The following ZNRF1 variants were observed in gnomAD, a reference collection of about 807,000 sequenced individuals.
ZNRF1 encodes the protein E3 ubiquitin-protein ligase ZNRF1.
A neutral mutation model predicts 18.4 loss-of-function variants in ZNRF1; 3 were observed. That is an observed-to-expected ratio of 0.16 (90% CI 0.07 to 0.42). The LOEUF (loss-of-function observed/expected upper bound fraction) is 0.42. Among genes scored for constraint, ZNRF1 ranks in the 10% least tolerant of loss-of-function variants. ZNRF1 has a pLI of 0.99. For missense variants in ZNRF1, 310 were observed against 329.8 expected, an observed-to-expected ratio of 0.94 and a Z score of 0.47; for synonymous variants, 157 against 144.2, an observed-to-expected ratio of 1.09 and a Z score of -0.64.
At chr16:75,096,130 C>T (rs2036198038) in intron 2 of ZNRF1, among the ~76,000 whole-genome samples, 1 of 150,410 alleles carries the variant, frequency 6.6e-6, no homozygotes, top group South Asian at 2.1e-4. Flanking sequence ...CTAAGGCTCT[C>T]TTTTGCAAAA....
At chr16:75,056,097 G>A (rs985424162) in intron 1 of ZNRF1, among the ~76,000 whole-genome samples, 2 of 152,140 alleles carry the variant, frequency 1.3e-5, no homozygotes, top group African/African-American at 4.8e-5. Flanking sequence ...GATAGCTGAT[G>A]GTCAGTTCTG....
intron 1 of ZNRF1, among the ~76,000 whole-genome samples, chr16:75,057,040 T>G (rs567039124): frequency 6.6e-6 from 1 of 152,192 alleles, no homozygotes; most frequent in Admixed American, 6.5e-5. Context: ...AGATTTAGAG[T>G]CTTGTTTTGA....
At position 75,106,667 on chromosome 16, in the gene ZNRF1, T is replaced by C. The variant is rs1043058079; in HGVS notation, c.*32+96T>C. On this transcript the variant is annotated intron_variant, in intron 4 of 4. Transcript: ENST00000335325. The stretch of plus-strand genomic sequence containing the variant: ...GGGAGCCGGGCTGCCCTTATGCCAC[T>C]GAGAAGAAAGCAGGAGCAGAGGGAA... 5.4e-6 allele frequency: 5 copies of C among 922,570 alleles called. No homozygotes were observed. In the African/African-American group the frequency reaches 8.3e-5, roughly 15 times the overall value. 57.1% of individuals were successfully genotyped at this position (922,570 alleles called of 1,614,324 possible).
chr16:75,033,262 CAAA>C (rs56265355), intron 1 of ZNRF1, among the ~76,000 whole-genome samples: 11 of 81,518 alleles, frequency 1.3e-4, no homozygotes, highest in South Asian at 1.1e-3. Context: ...TTTATTTCTA[CAAA>C]AAAAAAAAAA....
chr16:74,999,559 G>T lies in ZNRF1; in HGVS notation c.-113G>T. 1.3e-6 allele frequency: 1 copy of T among 748,604 alleles called. No homozygotes were observed. Among genetic ancestry groups the T allele is most frequent in the Non-Finnish European group, 1.9e-6 (1 of 540,210 alleles). The allele number at this position is 748,604 out of a possible 1,614,324, so 46.4% of individuals were successfully genotyped here. A position where few individuals can be genotyped will look rare whatever the true frequency, so the allele number is the denominator to read the frequency against. On this transcript the variant is annotated 5_prime_UTR_variant, in exon 1 of 5. Coordinates refer to ENST00000335325, the MANE Select transcript of ZNRF1 (RefSeq NM_032268.5). ...GCTTTTTTTCCTTTTCTCCCTCCGG[G>T]TCTCCTTTTTGACTCCCTCCCCCTT... is the stretch of plus-strand genomic sequence containing the variant.
At chr16:75,077,610 G>T (rs1348770869) in intron 1 of ZNRF1, among the ~76,000 whole-genome samples, 2 of 152,162 alleles carry the variant, frequency 1.3e-5, no homozygotes, top group East Asian at 3.9e-4. Context: ...ATTTCCTGTT[G>T]TTGCTGTAGC....
chr16:75,040,913 A>G (rs1268878655), intron 1 of ZNRF1, among the ~76,000 whole-genome samples: 2 of 152,056 alleles, frequency 1.3e-5, no homozygotes, highest in East Asian at 1.9e-4. Context: ...CAGCCCACTT[A>G]CCATGTTTTT....
chr16:75,056,725 C>T (rs1363238904), intron 1 of ZNRF1, among the ~76,000 whole-genome samples: 1 of 152,042 alleles, frequency 6.6e-6, no homozygotes, highest in Admixed American at 6.6e-5. Flanking sequence ...CTTCTGGGTT[C>T]AAGTGATTCT....
At chr16:75,088,916 G>T (rs937213277) in intron 1 of ZNRF1, among the ~76,000 whole-genome samples, 1 of 152,188 alleles carries the variant, frequency 6.6e-6, no homozygotes, top group Non-Finnish European at 1.5e-5. Flanking sequence ...GAAAGTGCCA[G>T]TCGTAGTGCA....
rs1242210759 is a variant in ZNRF1, at chr16:75,061,721, C to G, written c.425-31851C>G. 2.0e-5 allele frequency among the ~76,000 whole-genome samples: 3 copies of G among 152,188 alleles called. No individual in the cohort carries two copies. The East Asian group carries it at 5.8e-4, about 29-fold the overall frequency. ...TGGCAAAGTTACCTAGGGAAGAAGACATAAAAAGTATGGGACTTCTCAATT... is the reference window on the plus strand; with the variant it reads ...TGGCAAAGTTACCTAGGGAAGAAGAGATAAAAAGTATGGGACTTCTCAATT... On this transcript the variant is annotated intron_variant, in intron 1 of 4. Transcript: ENST00000335325.
At chr16:75,026,232 AAAAG>A (rs2035222278) in intron 1 of ZNRF1, among the ~76,000 whole-genome samples, 1 of 152,236 alleles carries the variant, frequency 6.6e-6, no homozygotes, top group South Asian at 2.1e-4. Flanking sequence ...ATATTCCTAA[AAAAG>A]AAAAACATTC....
intron 1 of ZNRF1, among the ~76,000 whole-genome samples, chr16:75,017,420 T>C (rs372438900): frequency 1.3e-5 from 2 of 152,210 alleles, no homozygotes; most frequent in African/African-American, 4.8e-5. Flanking sequence ...TACAGAAAAG[T>C]TGCAGAACTT....
Position 75,070,726 on chromosome 16 carries a change from A to G in ZNRF1, c.425-22846A>G, listed in dbSNP as rs570893166. On this transcript the variant is annotated intron_variant, in intron 1 of 4. Coordinates refer to ENST00000335325, the MANE Select transcript of ZNRF1 (RefSeq NM_032268.5). The stretch of plus-strand genomic sequence containing the variant: ...AGGTACTGCTTTCCTGACTTGTAAC[A>G]GCGTGGACTTGCCTTGCCTGTTTTG... Among the ~76,000 whole-genome samples the G allele has an allele frequency of 1.4e-4, 21 of 152,030 alleles. No homozygotes were observed. The South Asian group carries it at 4.1e-3, about 30-fold the overall frequency.
intron 1 of ZNRF1, among the ~76,000 whole-genome samples, chr16:75,040,289 C>T (rs1360262532): frequency 6.6e-6 from 1 of 151,914 alleles, no homozygotes; most frequent in African/African-American, 2.4e-5. Context: ...GGGCGTCACT[C>T]TGCCACCTAG....
In ZNRF1 at chr16:74,999,869, G is replaced by T; in HGVS notation, c.198G>T (p.Gly66=). 1 of 1,524,812 alleles carries T rather than the reference G, an allele frequency of 6.6e-7. No homozygotes were observed. Among genetic ancestry groups the T allele is most frequent in the Non-Finnish European group, 8.8e-7 (1 of 1,139,984 alleles). 94.5% of individuals were successfully genotyped at this position (1,524,812 alleles called of 1,614,324 possible). The change falls in exon 1 of 5, where the codon GGG becomes GGT. Residue 66 remains glycine (G), a synonymous_variant. Transcript: ENST00000335325. ...GCATGGACCCCAGCACGGCCGGGGG[G>T]GTGCCCTTTGGCCTCTACACCCCCG... ...GMGMDPSTAG[G]VPFGLYTPAS...
intron 1 of ZNRF1, among the ~76,000 whole-genome samples, chr16:75,021,448 C>T (rs776837919): frequency 7.2e-5 from 11 of 152,224 alleles, no homozygotes; most frequent in Non-Finnish European, 1.3e-4. Flanking sequence ...TCCCTTCCTT[C>T]TTTTATCATA....
chr16:75,050,740 A>G (rs1172845709), intron 1 of ZNRF1, among the ~76,000 whole-genome samples: 7 of 150,644 alleles, frequency 4.6e-5, no homozygotes, highest in African/African-American at 1.2e-4. Flanking sequence ...GCATGGTGGC[A>G]GGCGCCTGTA....
intron 1 of ZNRF1, among the ~76,000 whole-genome samples, chr16:75,051,043 AAAAAAAC>A (rs2035594643): frequency 1.5e-5 from 1 of 67,962 alleles, no homozygotes; most frequent in Non-Finnish European, 5.2e-5. Flanking sequence ...AAGAAAAAAA[AAAAAAAC>A]AAAACCTGGG....
chr16:75,024,719 TGCAGAA>T (rs1255075815), intron 1 of ZNRF1, among the ~76,000 whole-genome samples: 8 of 152,218 alleles, frequency 5.3e-5, no homozygotes, highest in Non-Finnish European at 7.3e-5. Flanking sequence ...GCACATGCTG[TGCAGAA>T]GCAGAAGACA....
Sources: allele counts gnomAD v4.1 joint callset (sites outside exome capture counted in the v4.1 genomes callset), GRCh38; gene constraint gnomAD v4.1.1; transcripts MANE v1.5; gene names NCBI Gene and HGNC (gene_info 2026-07-23, HGNC 2026-07-21).